ISLR2: variants seen among roughly 807,000 people sequenced by gnomAD.
The protein encoded by ISLR2 is immunoglobulin superfamily containing leucine rich repeat 2, also known as immunoglobulin superfamily containing leucine-rich repeat protein 2.
In ISLR2, 16 loss-of-function variants were observed where a neutral mutation model predicts 25.5. The observed-to-expected ratio is 0.63, with a 90% CI of 0.43 to 0.95. ISLR2 has a LOEUF of 0.95. Ranked by LOEUF, ISLR2 falls within the 40% of genes least tolerant of loss-of-function variation. ISLR2 has a pLI of 0.00. For missense variants in ISLR2, 883 were observed against 1,030.7 expected, an observed-to-expected ratio of 0.86 and a Z score of 1.96; for synonymous variants, 508 against 486.6, an observed-to-expected ratio of 1.04 and a Z score of -0.58.
In ISLR2 at chr15:74,134,932, C is replaced by G. The variant is rs1424342129; in HGVS notation, c.2178C>G (p.Gly726=). 1 of 1,613,996 alleles carries G rather than the reference C, an allele frequency of 6.2e-7. No individual in the cohort carries two copies. Among genetic ancestry groups the G allele is most frequent in the Admixed American group, 1.7e-5 (1 of 60,032 alleles). ...AGTACAGCGATCGGCTGCCCCTGGG[C>G]GCCGAGGCGGTCAACATCGCCCAGG... ...GSEYSDRLPL[G]AEAVNIAQEI... is the part of the protein sequence containing the mutation. The change falls in exon 3 of 3, where the codon GGC becomes GGG. Residue 726 remains glycine, a synonymous_variant. Coordinates refer to ENST00000453268, the MANE Select transcript of ISLR2 (RefSeq NM_020851.3).
intron 2 of ISLR2, chr15:74,131,861 T>C (rs1003983770): frequency 6.6e-6 from 1 of 152,260 alleles, no homozygotes; most frequent in Non-Finnish European, 1.5e-5. Flanking sequence ...GGCAGGTGAC[T>C]TTGGCCTTAG....
At position 74,134,200 on chromosome 15, in the gene ISLR2, C is replaced by A; in HGVS notation, c.1446C>A (p.His482Gln). 6.2e-7 allele frequency: 1 copy of A among 1,610,020 alleles called. No individual in the cohort carries two copies. Among genetic ancestry groups the A allele is most frequent in the Middle Eastern group, 1.7e-4 (1 of 6,060 alleles). Residue 482 changes from histidine to glutamine, a missense_variant, in exon 3 of 3, where the codon CAC (histidine) becomes CAA (glutamine). By Grantham distance (24) the His-to-Gln change is conservative. Coordinates refer to ENST00000453268, the MANE Select transcript of ISLR2 (RefSeq NM_020851.3). Reference protein sequence around the residue: ...AFNQSAELKPHVFELGVIALD... With the variant: ...AFNQSAELKPQVFELGVIALD... ...ACCAGAGCGCAGAGCTCAAGCCGCA[C>A]GTCTTCGAGCTGGGCGTCATCGCGC...
chr15:74,132,862 C>T lies in ISLR2; in HGVS notation c.108C>T (p.Asp36=), dbSNP rs2072455565. 4 of 1,614,124 alleles carry T rather than the reference C, an allele frequency of 2.5e-6. No individual in the cohort carries two copies. The highest frequency in any genetic ancestry group is 3.4e-6 in the Non-Finnish European group (4 of 1,179,962). The part of the protein sequence containing the change: ...CVDKYAHQFA[D]CAYKELREVP... Reference sequence around the variant, plus strand: ...ACAAGTACGCTCACCAGTTCGCGGACTGCGCTTACAAAGAGTTGCGTGAGG... The same window carrying T: ...ACAAGTACGCTCACCAGTTCGCGGATTGCGCTTACAAAGAGTTGCGTGAGG... The change falls in exon 3 of 3, where the codon GAC becomes GAT. Residue 36 remains aspartate (D), a synonymous_variant. Coordinates refer to ENST00000453268, the MANE Select transcript of ISLR2 (RefSeq NM_020851.3). The surrounding 1 kb of genome is among the most constrained non-coding windows in gnomAD (Gnocchi z 4.3).
chr15:74,111,591 T>TATTCATTCATTCATTC (rs71137377), intron 2 of ISLR2, among the ~76,000 whole-genome samples: 5 of 150,826 alleles, frequency 3.3e-5, no homozygotes, highest in Non-Finnish European at 7.4e-5. Flanking sequence ...GCCAGGCCTC[T>TATTCATTCATTCATTC]ATTCATTCAT....
intron 2 of ISLR2, among the ~76,000 whole-genome samples, chr15:74,109,658 C>T (rs567574272): frequency 2.0e-5 from 3 of 152,172 alleles, no homozygotes; most frequent in Non-Finnish European, 2.9e-5. Context: ...GCTGAACCCA[C>T]GCCTCAGAGG....
chr15:74,137,979 G>T (rs1197329010), downstream of ISLR2, among the ~76,000 whole-genome samples: 21 of 151,880 alleles, frequency 1.4e-4, no homozygotes, highest in Non-Finnish European at 2.5e-4. Flanking sequence ...AAATAGATCA[G>T]TTTTATTCTG....
In ISLR2 at chr15:74,132,916, G is replaced by C. The variant is rs1429146084; in HGVS notation, c.162G>C (p.Thr54=). ...EVPEGLPANV[T]TLSLSANKIT... Reference sequence around the variant, plus strand: ...CGGAAGGACTGCCTGCCAACGTGACGACGCTTAGTCTGTCCGCGAACAAGA... The same window carrying C: ...CGGAAGGACTGCCTGCCAACGTGACCACGCTTAGTCTGTCCGCGAACAAGA... The change falls in exon 3 of 3, where the codon ACG becomes ACC. Residue 54 remains threonine (T), a synonymous_variant. Coordinates refer to ENST00000453268, the MANE Select transcript of ISLR2 (RefSeq NM_020851.3). This position sits in a 1 kb window ranked among gnomAD's most constrained non-coding sequence, Gnocchi z 4.3. The C allele has an allele frequency of 6.2e-7, 1 of 1,614,102 alleles. No individual in the cohort carries two copies. Among genetic ancestry groups the C allele is most frequent in the Non-Finnish European group, 8.5e-7 (1 of 1,179,958 alleles).
downstream of ISLR2, among the ~76,000 whole-genome samples, chr15:74,140,476 A>G (rs2072605599): frequency 6.6e-6 from 1 of 152,160 alleles, no homozygotes; most frequent in Non-Finnish European, 1.5e-5. Context: ...TTCCATAGGG[A>G]AAAAGGGACC....
upstream of ISLR2, chr15:74,128,149 G>A (rs1411811396): frequency 3.3e-6 from 1 of 298,872 alleles, no homozygotes; most frequent in Non-Finnish European, 6.4e-6. Flanking sequence ...CTGCGCGCCG[G>A]ACGGCGCCGG....
At chr15:74,113,338 A>G (rs537726944) in intron 2 of ISLR2, among the ~76,000 whole-genome samples, 2 of 152,244 alleles carry the variant, frequency 1.3e-5, no homozygotes, top group South Asian at 4.2e-4. Context: ...TTTAGTAGAG[A>G]TGGGGTTATG....
intron 2 of ISLR2, among the ~76,000 whole-genome samples, chr15:74,106,765 C>T (rs1031100228): frequency 4.6e-5 from 7 of 152,082 alleles, no homozygotes; most frequent in African/African-American, 7.2e-5. Flanking sequence ...CCTGGGGGCC[C>T]GGACACCCCT....
chr15:74,110,039 C>T (rs918354112), intron 2 of ISLR2, among the ~76,000 whole-genome samples: 4 of 152,168 alleles, frequency 2.6e-5, no homozygotes, highest in African/African-American at 9.7e-5. Flanking sequence ...AGCAATTCAC[C>T]TGCCTTGGCC....
At chr15:74,137,101 C>T (rs939452181), downstream of ISLR2, among the ~76,000 whole-genome samples, 2 of 152,074 alleles carry the variant, frequency 1.3e-5, no homozygotes, top group African/African-American at 4.8e-5. Context: ...TCTGAGTGTG[C>T]GTGCAAGTAT....
At chr15:74,111,747 T>C (rs1161921910) in intron 2 of ISLR2, among the ~76,000 whole-genome samples, 1 of 152,224 alleles carries the variant, frequency 6.6e-6, no homozygotes, top group Non-Finnish European at 1.5e-5. Context: ...ATTTTTCCAT[T>C]TTATAATGTT....
Position 74,132,762 on chromosome 15 carries a change from C to A in ISLR2, c.8C>A (p.Pro3His), listed in dbSNP as rs775725979. The A allele has an allele frequency of 7.5e-6, 12 of 1,608,490 alleles. No homozygotes were observed. The highest frequency in any genetic ancestry group is 1.0e-5 in the Non-Finnish European group (12 of 1,175,320). Reference sequence around the variant, plus strand: ...CCATCTGCAGGAGCCGCGATGTTCCCCCTTCGGGCCCTGTGGTTGGTCTGG... The same window carrying A: ...CCATCTGCAGGAGCCGCGATGTTCCACCTTCGGGCCCTGTGGTTGGTCTGG... MF[P>H]LRALWLVWAL... Residue 3 changes from proline to histidine, a missense_variant, in exon 3 of 3, where the codon CCC (proline) becomes CAC (histidine). By Grantham distance (77) the Pro-to-His change is moderately conservative (BLOSUM62 -2). Around this residue, in one of 2 missense-constraint regions of ISLR2, gnomAD observed 271 missense variants for 387.9 expected, o/e 0.70. Coordinates refer to ENST00000453268, the MANE Select transcript of ISLR2 (RefSeq NM_020851.3). The surrounding 1 kb of genome is among the most constrained non-coding windows in gnomAD (Gnocchi z 4.3).
At position 74,132,664 on chromosome 15, in the gene ISLR2, T is replaced by C; in HGVS notation, c.-8-83T>C. 1 of 1,496,676 alleles carries C rather than the reference T, an allele frequency of 6.7e-7. No individual in the cohort carries two copies. Among genetic ancestry groups the C allele is most frequent in the Non-Finnish European group, 8.9e-7 (1 of 1,122,628 alleles). 92.7% of individuals were successfully genotyped at this position (1,496,676 alleles called of 1,614,324 possible). On this transcript the variant is annotated intron_variant, in intron 2 of 2. Transcript: ENST00000453268. This position sits in a 1 kb window ranked among gnomAD's most constrained non-coding sequence, Gnocchi z 4.3. Reference sequence around the variant, plus strand: ...CCCTGGAACTAGTGCTAAACGGGCTTGCGGAGGCACAGCTTGATAGGGGAG... The same window carrying C: ...CCCTGGAACTAGTGCTAAACGGGCTCGCGGAGGCACAGCTTGATAGGGGAG...
At chr15:74,108,829 G>A (rs2072143002) in intron 2 of ISLR2, among the ~76,000 whole-genome samples, 1 of 152,104 alleles carries the variant, frequency 6.6e-6, no homozygotes, top group South Asian at 2.1e-4. Flanking sequence ...GTAGGGCCTC[G>A]CCCACAGGAG....
upstream of ISLR2, chr15:74,128,741 G>C (rs1595943868): frequency 2.3e-6 from 1 of 443,902 alleles, no homozygotes; most frequent in African/African-American, 2.0e-5. Flanking sequence ...CGCCATGCCG[G>C]ACCGGACTCA....
In ISLR2 at chr15:74,135,493, T is replaced by A. The variant is rs906970858; in HGVS notation, c.*501T>A. On this transcript the variant is annotated 3_prime_UTR_variant, in exon 3 of 3. Transcript: ENST00000453268. The stretch of plus-strand genomic sequence containing the variant: ...CTTTCTTTCCTTTTTTTTTATTTTT[T>A]AATTTTATTTATTTATTTATTTATT... 2.7e-4 allele frequency: 45 copies of A among 166,664 alleles called. No homozygotes were observed. Among genetic ancestry groups the A allele is most frequent in the African/African-American group, 9.2e-4 (38 of 41,426 alleles). 10.3% of individuals were successfully genotyped at this position (166,664 alleles called of 1,614,324 possible). A position where few individuals can be genotyped will look rare whatever the true frequency, so the allele number is the denominator to read the frequency against.
Sources: allele counts gnomAD v4.1 joint callset (sites outside exome capture counted in the v4.1 genomes callset), GRCh38; gene constraint gnomAD v4.1.1; regional missense constraint gnomAD v4.1.1; non-coding constraint Gnocchi (gnomAD v3.1); transcripts MANE v1.5; gene names NCBI Gene and HGNC (gene_info 2026-07-23, HGNC 2026-07-21).